PDE11A: variants seen among roughly 807,000 people sequenced by gnomAD.
PDE11A encodes phosphodiesterase 11A.
PDE11A carries 100 observed loss-of-function variants against 100.5 expected under a neutral mutation model. That is an observed-to-expected ratio of 1.00 (90% CI 0.85 to 1.18). The LOEUF is 1.18. Among genes scored for constraint, PDE11A ranks in the 50% most tolerant of loss-of-function variants. The probability of loss-of-function intolerance (pLI) is 0.00; values close to 1 mark genes in which losing one functional copy is unlikely to be tolerated. For missense variants in PDE11A, 1,141 were observed against 1,152.6 expected (o/e 0.99, Z 0.15); for synonymous variants, 381 against 420.8 (o/e 0.91, Z 1.16).
At chr2:178,024,685 T>TA (rs888670737) in intron 1 of PDE11A, among the ~76,000 whole-genome samples, 2 of 152,056 alleles carry the variant, frequency 1.3e-5, no homozygotes, top group African/African-American at 4.8e-5. Context: ...TTAATGGAAA[T>TA]AAAAAAACAT....
chr2:178,031,028 A>G (rs1458488698), intron 1 of PDE11A, among the ~76,000 whole-genome samples: 1 of 152,228 alleles, frequency 6.6e-6, no homozygotes, highest in East Asian at 1.9e-4. Flanking sequence ...TTGGTTTAAT[A>G]TGAGATCAAT....
In PDE11A at chr2:177,857,368, C is replaced by T. The variant is rs115304512; in HGVS notation, c.1368-16985G>A. ...AATCCACATGAAGAATAAAGAGAACCGATAAAGAAAATTTTATAAGTAAAT... is the reference window on the plus strand; with the variant it reads ...AATCCACATGAAGAATAAAGAGAACTGATAAAGAAAATTTTATAAGTAAAT... On this transcript the variant is annotated intron_variant, in intron 5 of 19. Transcript: ENST00000286063. Among the ~76,000 whole-genome samples, 1,125 of 151,690 alleles carry T rather than the reference C, an allele frequency of 7.4e-3. 12 individuals are homozygous for T. Among genetic ancestry groups the T allele is most frequent in the African/African-American group, 0.025 (1,029 of 41,390 alleles).
intron 6 of PDE11A, among the ~76,000 whole-genome samples, chr2:177,832,517 G>A (rs931507198): frequency 6.6e-6 from 1 of 151,908 alleles, no homozygotes; most frequent in African/African-American, 2.4e-5. Context: ...GTAGGACCTT[G>A]TGATCATATG....
chr2:177,863,574 T>C (rs944803747), intron 5 of PDE11A, among the ~76,000 whole-genome samples: 1 of 152,078 alleles, frequency 6.6e-6, no homozygotes, highest in South Asian at 2.1e-4. Flanking sequence ...AACAGGTACA[T>C]CAAAAGGTGC....
At position 178,032,342 on chromosome 2, in the gene PDE11A, G is replaced by C. The variant is rs561938100; in HGVS notation, c.913-17882C>G. On this transcript the variant is annotated intron_variant, in intron 1 of 19. Coordinates refer to ENST00000286063, the MANE Select transcript of PDE11A (RefSeq NM_016953.4). The stretch of plus-strand genomic sequence containing the variant: ...GTATTAAAATTAAGAGCTTGGGCTG[G>C]GCGTGGTGGCACATGCCTGTAGTCC... 2.6e-5 allele frequency among the ~76,000 whole-genome samples: 4 copies of C among 152,088 alleles called. No homozygotes were observed. In the East Asian group the frequency reaches 7.7e-4, roughly 29 times the overall value.
chr2:177,794,494 C>A (rs2082677270), intron 9 of PDE11A, among the ~76,000 whole-genome samples: 1 of 152,132 alleles, frequency 6.6e-6, no homozygotes, highest in South Asian at 2.1e-4. Context: ...AAACAAATTT[C>A]CCAGAGGCAG....
At chr2:177,743,027 G>A (rs1261717253) in intron 10 of PDE11A, among the ~76,000 whole-genome samples, 1 of 152,152 alleles carries the variant, frequency 6.6e-6, no homozygotes, top group Non-Finnish European at 1.5e-5. Context: ...GGAATTCGTG[G>A]GTAATGTGTT....
At chr2:177,768,511 G>T (rs2082268490) in intron 10 of PDE11A, among the ~76,000 whole-genome samples, 2 of 152,128 alleles carry the variant, frequency 1.3e-5, no homozygotes, top group African/African-American at 4.8e-5. Context: ...AATATAAAAA[G>T]GCAGGCACCA....
chr2:178,029,855 A>C (rs1434197892), intron 1 of PDE11A, among the ~76,000 whole-genome samples: 1 of 152,140 alleles, frequency 6.6e-6, no homozygotes. Flanking sequence ...ATACACTCAT[A>C]CCATTATCAC....
At chr2:178,064,843 C>T (rs2087023152) in intron 1 of PDE11A, among the ~76,000 whole-genome samples, 1 of 151,730 alleles carries the variant, frequency 6.6e-6, no homozygotes, top group Admixed American at 6.6e-5. Context: ...ATAGGTTTCC[C>T]CTTTTTTTTT....
intron 5 of PDE11A, among the ~76,000 whole-genome samples, chr2:177,841,317 G>A: frequency 6.6e-6 from 1 of 152,170 alleles, no homozygotes; most frequent in Non-Finnish European, 1.5e-5. Flanking sequence ...TGTCTGATTT[G>A]TCGCTTGGCA....
intron 6 of PDE11A, among the ~76,000 whole-genome samples, chr2:177,827,775 T>C (rs2083248544): frequency 2.0e-5 from 3 of 152,174 alleles, no homozygotes; most frequent in Admixed American, 1.3e-4. Context: ...GACAGAATGA[T>C]TGTAATGGTG....
intron 10 of PDE11A, among the ~76,000 whole-genome samples, chr2:177,764,110 AAGG>A (rs1278235943): frequency 6.6e-6 from 1 of 152,228 alleles, no homozygotes; most frequent in Admixed American, 6.5e-5. Flanking sequence ...TCAGTCTGCA[AAGG>A]AGGTCATAAG....
Position 178,072,256 on chromosome 2 carries a change from A to C in PDE11A, c.182T>G (p.Leu61Trp), listed in dbSNP as rs2087143984. The C allele has an allele frequency of 5.0e-6, 8 of 1,613,486 alleles. No homozygotes were observed. The South Asian group carries it at 8.8e-5, about 18-fold the overall frequency. Reference sequence around the variant, plus strand: ...GCCACCTCTGCAGGTGCTGTGAGCCAAGCTGCTGGTACCAGCCAAAGAGGG... The same window carrying C: ...GCCACCTCTGCAGGTGCTGTGAGCCCAGCTGCTGGTACCAGCCAAAGAGGG... ...PRPSLAGTSSLAHSTCRGGSS... is the reference protein window; with the variant it reads ...PRPSLAGTSSWAHSTCRGGSS... The change falls in exon 1 of 20, where the codon TTG becomes TGG. Residue 61 changes from leucine to tryptophan, a missense_variant. Physicochemically the swap from Leu to Trp is moderately conservative, Grantham distance 61. Transcript: ENST00000286063.
intron 10 of PDE11A, among the ~76,000 whole-genome samples, chr2:177,755,145 C>A (rs961605765): frequency 2.6e-5 from 4 of 152,088 alleles, no homozygotes; most frequent in Non-Finnish European, 4.4e-5. Context: ...GTTCCTGGAC[C>A]AATTTAATTG....
intron 9 of PDE11A, among the ~76,000 whole-genome samples, chr2:177,805,147 C>A (rs1428143199): frequency 6.6e-6 from 1 of 150,810 alleles, no homozygotes; most frequent in Non-Finnish European, 1.5e-5. Context: ...ACAAAATGAC[C>A]CAGAAATAAA....
At chr2:178,023,210 C>T (rs1003045072) in intron 1 of PDE11A, among the ~76,000 whole-genome samples, 22 of 152,126 alleles carry the variant, frequency 1.4e-4, no homozygotes, top group Admixed American at 1.3e-3. Context: ...AAAAGGATTC[C>T]CACCTTCAAG....
intron 19 of PDE11A, among the ~76,000 whole-genome samples, chr2:177,656,395 T>C (rs747808482): frequency 6.6e-6 from 1 of 152,222 alleles, no homozygotes; most frequent in Non-Finnish European, 1.5e-5. Context: ...GGCTGTACAA[T>C]ATAGGTTTGT....
Position 178,061,218 on chromosome 2 carries a change from G to T in PDE11A, c.912+10308C>A, listed in dbSNP as rs560504238. Among the ~76,000 whole-genome samples the T allele has an allele frequency of 8.5e-5, 13 of 152,192 alleles. No homozygotes were observed. The South Asian group carries it at 2.7e-3, about 32-fold the overall frequency. ...GTTCTTGCCAAATTATCCTATATCA[G>T]TTGTGGTTGGCAGAGTCGGGCAGTG... On this transcript the variant is annotated intron_variant, in intron 1 of 19. Transcript: ENST00000286063.
Sources: allele counts gnomAD v4.1 joint callset (sites outside exome capture counted in the v4.1 genomes callset), GRCh38; gene constraint gnomAD v4.1.1; transcripts MANE v1.5; gene names NCBI Gene and HGNC (gene_info 2026-07-23, HGNC 2026-07-21).